The following RREB1 variants were observed in gnomAD, a reference collection of about 807,000 sequenced individuals.
The protein encoded by RREB1 is ras responsive element binding protein 1, also known as ras-responsive element-binding protein 1.
Under a neutral mutation model 117.8 loss-of-function variants are expected in RREB1, and 27 were observed. The ratio of observed to expected loss-of-function variants is 0.23; its 90% CI spans 0.17 to 0.32. The LOEUF is 0.32. RREB1 is among the 10% of genes least tolerant of loss of function. RREB1 has a pLI of 1.00. For missense variants in RREB1, 2,577 were observed against 2,378.2 expected (o/e 1.08, Z -1.74); for synonymous variants, 1,298 against 1,026.7 (o/e 1.26, Z -5.05).
intron 5 of RREB1, chr6:7,187,766 C>G (rs1447246919): frequency 4.3e-6 from 1 of 232,854 alleles, no homozygotes; most frequent in Admixed American, 5.5e-5. Context: ...GTAGCTGTGC[C>G]TAATTTAAAT....
intron 5 of RREB1, among the ~76,000 whole-genome samples, chr6:7,188,305 C>T (rs548031017): frequency 1.1e-4 from 17 of 151,910 alleles, no homozygotes; most frequent in Non-Finnish European, 1.8e-4. Flanking sequence ...GGCTGGAGTA[C>T]AGTGGTGCGA....
At chr6:7,111,785 C>G (rs1761158317) in intron 1 of RREB1, among the ~76,000 whole-genome samples, 1 of 152,168 alleles carries the variant, frequency 6.6e-6, no homozygotes, top group South Asian at 2.1e-4. Flanking sequence ...GACTTCTTGA[C>G]TATTACCAGT....
chr6:7,187,245 T>C (rs769278880), intron 4 of RREB1, among the ~76,000 whole-genome samples, 189 bp from the exon 5 acceptor site: 10 of 152,196 alleles, frequency 6.6e-5, no homozygotes, highest in Admixed American at 2.6e-4. Flanking sequence ...GTACTGTTTT[T>C]CCCATCTTTC....
At chr6:7,195,039 A>G (rs572100867) in intron 6 of RREB1, among the ~76,000 whole-genome samples, 1 of 152,254 alleles carries the variant, frequency 6.6e-6, no homozygotes, top group South Asian at 2.1e-4. Flanking sequence ...AATGGTACAT[A>G]TCAGTAATGG....
chr6:7,124,067 A>C (rs185216371), intron 1 of RREB1, among the ~76,000 whole-genome samples: 1 of 152,292 alleles, frequency 6.6e-6, no homozygotes, highest in Non-Finnish European at 1.5e-5. Context: ...GAGTGTATGC[A>C]TGTTTGGTCC....
rs775307297 is a variant in RREB1, at chr6:7,229,596, G to C, written c.1497G>C (p.Ala499=). ...FSKAPAAPLQ[A]IFKHMPPLKP... Reference sequence around the variant, plus strand: ...AGGCCCCTGCCGCCCCACTGCAGGCGATCTTCAAGCACATGCCCCCTCTGA... The same window carrying C: ...AGGCCCCTGCCGCCCCACTGCAGGCCATCTTCAAGCACATGCCCCCTCTGA... The change falls in exon 10 of 13, where the codon GCG becomes GCC. Residue 499 remains alanine, a synonymous_variant. Coordinates refer to ENST00000379938, the MANE Select transcript of RREB1 (RefSeq NM_001003699.4). This position sits in a 1 kb window ranked among gnomAD's most constrained non-coding sequence, Gnocchi z 4.5. 1 of 1,612,096 alleles carries C rather than the reference G, an allele frequency of 6.2e-7. No homozygotes were observed. Among genetic ancestry groups the C allele is most frequent in the South Asian group, 1.1e-5 (1 of 90,870 alleles).
intron 5 of RREB1, among the ~76,000 whole-genome samples, chr6:7,188,253 G>GTGTA (rs1491170727): frequency 7.4e-6 from 1 of 135,402 alleles, no homozygotes; most frequent in African/African-American, 2.8e-5. Context: ...GTGTGTGTGT[G>GTGTA]CGCGCGCGCA....
intron 8 of RREB1, among the ~76,000 whole-genome samples, chr6:7,222,458 C>G (rs1221614224): frequency 6.6e-6 from 1 of 152,126 alleles, no homozygotes; most frequent in East Asian, 1.9e-4. Flanking sequence ...TCCCTGAGCC[C>G]ACATCCCCCT....
chr6:7,161,002 T>A (rs1460867236), intron 1 of RREB1, among the ~76,000 whole-genome samples: 3 of 152,166 alleles, frequency 2.0e-5, no homozygotes, highest in Non-Finnish European at 2.9e-5. Flanking sequence ...GGTAACTTTT[T>A]GTGTTTTTTG....
At chr6:7,248,412 C>G (rs554696981) in intron 12 of RREB1, 99 bp from the exon 13 acceptor site, 4 of 1,035,296 alleles carry the variant, frequency 3.9e-6, no homozygotes, top group African/African-American at 3.1e-5. Flanking sequence ...CCTGGCCCCC[C>G]GCACATAGCC....
chr6:7,236,112 G>A (rs765998130), intron 10 of RREB1, among the ~76,000 whole-genome samples: 5 of 152,060 alleles, frequency 3.3e-5, no homozygotes, highest in Non-Finnish European at 7.4e-5. Context: ...AGACAAGAGT[G>A]CACTGTTCCT....
At chr6:7,166,063 G>T (rs1295121713) in intron 1 of RREB1, among the ~76,000 whole-genome samples, 3 of 152,162 alleles carry the variant, frequency 2.0e-5, no homozygotes, top group Non-Finnish European at 4.4e-5. Context: ...GGCCCTTTGT[G>T]CAGTTAGACC....
chr6:7,216,667 C>T (rs1473821476), intron 8 of RREB1: 1 of 152,278 alleles, frequency 6.6e-6, no homozygotes, highest in Non-Finnish European at 1.5e-5. Context: ...GGATTGATCC[C>T]ACCCTTGTCA....
intron 1 of RREB1, among the ~76,000 whole-genome samples, chr6:7,153,698 G>A (rs918477475): frequency 6.6e-6 from 1 of 152,190 alleles, no homozygotes; most frequent in Non-Finnish European, 1.5e-5. Context: ...TAAGACTGAT[G>A]ATGTGGGCAT....
chr6:7,226,529 T>C lies in RREB1; in HGVS notation c.770T>C (p.Val257Ala), dbSNP rs371855788. 3 of 1,614,206 alleles carry C rather than the reference T, an allele frequency of 1.9e-6. No individual in the cohort carries two copies. The highest frequency in any genetic ancestry group is 1.1e-5 in the South Asian group (1 of 91,084). The change falls in exon 9 of 13, where the codon GTC (valine) becomes GCC (alanine). Residue 257 changes from valine (V) to alanine (A), a missense_variant. Physicochemically the swap from Val to Ala is moderately conservative, Grantham distance 64. Coordinates refer to ENST00000379938, the MANE Select transcript of RREB1 (RefSeq NM_001003699.4). ...HRGLLRHNAL[V>A]HKQLPRDAMG... ...GGACTGCTGCGTCACAACGCGCTTG[T>C]CCACAAACAACTTCCCAGGGATGCA...
At chr6:7,237,089 A>T (rs1245497880) in intron 10 of RREB1, among the ~76,000 whole-genome samples, 1 of 151,160 alleles carries the variant, frequency 6.6e-6, no homozygotes, top group Admixed American at 6.6e-5. Context: ...TGCCTGGCTA[A>T]TTTTTTTATT....
In RREB1 at chr6:7,231,196, T is replaced by G. The variant is rs754432780; in HGVS notation, c.3097T>G (p.Ser1033Ala). Residue 1033 changes from serine to alanine, a missense_variant, in exon 10 of 13, where the codon TCA (serine) becomes GCA (alanine). Ser to Ala is a moderately conservative substitution (Grantham distance 99). Coordinates refer to ENST00000379938, the MANE Select transcript of RREB1 (RefSeq NM_001003699.4). ...CAGCAGCCCTCCACTCGTGGGCAGCTCAGCCCTCCTGAGTGGCACAGCCTT... is the reference window on the plus strand; with the variant it reads ...CAGCAGCCCTCCACTCGTGGGCAGCGCAGCCCTCCTGAGTGGCACAGCCTT... ...LVSSPPLVGS[S>A]ALLSGTALLR... is the part of the protein sequence containing the mutation. 1 of 1,611,660 alleles carries G rather than the reference T, an allele frequency of 6.2e-7. No homozygotes were observed. Among genetic ancestry groups the G allele is most frequent in the South Asian group, 1.1e-5 (1 of 91,048 alleles).
intron 10 of RREB1, among the ~76,000 whole-genome samples, chr6:7,232,925 C>T (rs1158053336): frequency 1.3e-5 from 2 of 152,026 alleles, no homozygotes; most frequent in East Asian, 3.9e-4. Context: ...GACGGAGTCT[C>T]GCTCTGTTAC....
chr6:7,126,268 G>A (rs1456880917), intron 1 of RREB1, among the ~76,000 whole-genome samples: 1 of 151,930 alleles, frequency 6.6e-6, no homozygotes, highest in Admixed American at 6.6e-5. Context: ...CCAAAGTGCT[G>A]GGATTACAGG....
Sources: gnomAD v4.1 joint callset for allele counts (sites outside exome capture counted in the v4.1 genomes callset) on GRCh38, gnomAD v4.1.1 for gene constraint, Gnocchi (gnomAD v3.1) non-coding constraint, MANE v1.5 for transcripts, NCBI Gene and HGNC (gene_info 2026-07-23, HGNC 2026-07-21) for gene names.